The following GLP1R variants were observed in gnomAD, a reference collection of about 807,000 sequenced individuals.
The protein encoded by GLP1R is glucagon like peptide 1 receptor.
In GLP1R, 32 loss-of-function variants were observed where a neutral mutation model predicts 68.4. The observed-to-expected ratio is 0.47, with a 90% CI of 0.35 to 0.63. The LOEUF (loss-of-function observed/expected upper bound fraction) is 0.63, where lower values mean the gene tolerates loss of function less well. Among genes scored for constraint, GLP1R ranks in the 20% least tolerant of loss-of-function variants. GLP1R has a pLI of 0.00. For missense variants in GLP1R, 502 were observed against 594.9 expected, an observed-to-expected ratio of 0.84 and a Z score of 1.62; for synonymous variants, 263 against 244.4, an observed-to-expected ratio of 1.08 and a Z score of -0.71.
In GLP1R at chr6:39,079,105, C is replaced by A; in HGVS notation, c.955-7C>A. ...GCCCCCTGCCAATCCCCGGCCCCAC[C>A]CCGCAGGTGAACTTCCTCATCTTTG... On this transcript the variant is annotated splice_polypyrimidine_tract_variant and splice_region_variant and intron_variant, in intron 9 of 12. Coordinates refer to ENST00000373256, the MANE Select transcript of GLP1R (RefSeq NM_002062.5). This position sits in a 1 kb window ranked among gnomAD's most constrained non-coding sequence, Gnocchi z 4.5. The A allele has an allele frequency of 1.2e-6, 2 of 1,613,696 alleles. No individual in the cohort carries two copies.
Position 39,086,073 on chromosome 6 carries a change from AG to A in GLP1R, c.*1del, listed in dbSNP as rs776049586. On this transcript the variant is annotated 3_prime_UTR_variant, in exon 13 of 13. Coordinates refer to ENST00000373256, the MANE Select transcript of GLP1R (RefSeq NM_002062.5). The surrounding 1 kb of genome is among the most constrained non-coding windows in gnomAD (Gnocchi z 4.5). ...CCACTTGCCAGGCCTCCTGCAGCTGAGACTCCAGCGCCTGCCCTCCCTGGGG... is the reference window on the plus strand; with the variant it reads ...CCACTTGCCAGGCCTCCTGCAGCTGAACTCCAGCGCCTGCCCTCCCTGGGG... 2 of 1,613,338 alleles carry A rather than the reference AG, an allele frequency of 1.2e-6. No homozygotes were observed. The highest frequency in any genetic ancestry group is 2.2e-5 in the South Asian group (2 of 90,992).
intron 7 of GLP1R, 22 bp downstream of exon 7, chr6:39,073,791 C>T: frequency 6.2e-7 from 1 of 1,610,774 alleles, no homozygotes; most frequent in South Asian, 1.1e-5. Context: ...CATCACCCAC[C>T]CTGGACCTGT....
At position 39,089,460 on chromosome 6, in the gene GLP1R, G is replaced by C. The variant is rs1327911887; in HGVS notation, c.*3387G>C. 6.6e-6 allele frequency among the ~76,000 whole-genome samples: 1 copy of C among 151,986 alleles called. No individual in the cohort carries two copies. The highest frequency in any genetic ancestry group is 1.5e-5 in the Non-Finnish European group (1 of 68,036). The stretch of plus-strand genomic sequence containing the variant: ...AGCAAAGATGGCACAGCACCACAAA[G>C]GGCAAATGGAGTCAACTCCCTTCCA... On this transcript the variant is annotated 3_prime_UTR_variant, in exon 13 of 13. Coordinates refer to ENST00000373256, the MANE Select transcript of GLP1R (RefSeq NM_002062.5). The surrounding 1 kb of genome is among the most constrained non-coding windows in gnomAD (Gnocchi z 4.1).
intron 1 of GLP1R, among the ~76,000 whole-genome samples, chr6:39,053,580 G>A (rs1768138133): frequency 6.6e-6 from 1 of 152,188 alleles, no homozygotes; most frequent in African/African-American, 2.4e-5. Flanking sequence ...CATTGACTGA[G>A]CCTTCTCCAT....
intron 12 of GLP1R, among the ~76,000 whole-genome samples, chr6:39,082,181 G>C (rs996796045): frequency 6.6e-6 from 1 of 152,190 alleles, no homozygotes; most frequent in Non-Finnish European, 1.5e-5. Context: ...CTGGCTACCT[G>C]TGGGAAGTGT....
At chr6:39,081,774 A>C (rs1472558927) in intron 12 of GLP1R, among the ~76,000 whole-genome samples, 1 of 152,204 alleles carries the variant, frequency 6.6e-6, no homozygotes, top group East Asian at 1.9e-4. Flanking sequence ...ATTTGGTCTG[A>C]TCTGGGCCCC....
chr6:39,088,795 C>T lies in GLP1R; in HGVS notation c.*2722C>T, dbSNP rs1331490729. Reference sequence around the variant, plus strand: ...CATGCTGTAGACCACATCGTTGGAGCTCTGGGAGAGCTCTGAGCAGAGAAA... The same window carrying T: ...CATGCTGTAGACCACATCGTTGGAGTTCTGGGAGAGCTCTGAGCAGAGAAA... On this transcript the variant is annotated 3_prime_UTR_variant, in exon 13 of 13. Coordinates refer to ENST00000373256, the MANE Select transcript of GLP1R (RefSeq NM_002062.5). 6.6e-6 allele frequency among the ~76,000 whole-genome samples: 1 copy of T among 152,130 alleles called. No homozygotes were observed. The highest frequency in any genetic ancestry group is 1.5e-5 in the Non-Finnish European group (1 of 68,026).
chr6:39,071,171 C>A (rs1463899370), intron 5 of GLP1R, among the ~76,000 whole-genome samples: 1 of 151,642 alleles, frequency 6.6e-6, no homozygotes, highest in Non-Finnish European at 1.5e-5. Flanking sequence ...ACAGTGGAAC[C>A]CCATCTCTAC....
At position 39,086,843 on chromosome 6, in the gene GLP1R, G is replaced by C. The variant is rs201113027; in HGVS notation, c.*770G>C. 6.6e-6 allele frequency: 1 copy of C among 152,596 alleles called. No individual in the cohort carries two copies. The highest frequency in any genetic ancestry group is 1.5e-5 in the Non-Finnish European group (1 of 68,060). The allele number at this position is 152,596 out of a possible 1,614,324, so 9.5% of individuals were successfully genotyped here. A position where few individuals can be genotyped will look rare whatever the true frequency, so the allele number is the denominator to read the frequency against. ...TTGCCACCGGGGAACCCAGCCCTGG[G>C]GTATGAGCTGCCAAGTCTATTTTAA... On this transcript the variant is annotated 3_prime_UTR_variant, in exon 13 of 13. Coordinates refer to ENST00000373256, the MANE Select transcript of GLP1R (RefSeq NM_002062.5). The surrounding 1 kb of genome is among the most constrained non-coding windows in gnomAD (Gnocchi z 4.5).
intron 12 of GLP1R, among the ~76,000 whole-genome samples, chr6:39,083,699 G>A (rs2268636): frequency 0.079 from 11,967 of 152,174 alleles, 875 homozygotes; most frequent in East Asian, 0.38. Context: ...AATTCACCCC[G>A]AATCCTGAGG....
chr6:39,068,570 C>T (rs1011251111), intron 5 of GLP1R, among the ~76,000 whole-genome samples: 2 of 152,230 alleles, frequency 1.3e-5, no homozygotes, highest in Non-Finnish European at 2.9e-5. Flanking sequence ...AAAGAAGTAA[C>T]TATGTTCCCT....
intron 3 of GLP1R, among the ~76,000 whole-genome samples, chr6:39,063,942 CA>C (rs1217144909): frequency 5.1e-4 from 73 of 142,938 alleles, no homozygotes; most frequent in African/African-American, 1.9e-3. Flanking sequence ...CACACACACA[CA>C]CACACACACA....
At chr6:39,053,913 C>T (rs1768148625) in intron 1 of GLP1R, among the ~76,000 whole-genome samples, 1 of 152,140 alleles carries the variant, frequency 6.6e-6, no homozygotes, top group African/African-American at 2.4e-5. Flanking sequence ...AAAAAATCCT[C>T]CTGATAACAG....
intron 3 of GLP1R, among the ~76,000 whole-genome samples, chr6:39,064,508 C>A (rs1367234273): frequency 6.6e-6 from 1 of 152,040 alleles, no homozygotes. Flanking sequence ...CTCCTTGGTC[C>A]CCCTGTTCTT....
rs1253028224 is a variant in GLP1R at position 39,056,398 on chromosome 6, G to C, written c.80G>C (p.Gly27Ala). The change falls in exon 2 of 13, where the codon GGT becomes GCT. Residue 27 changes from glycine (G) to alanine (A), a missense_variant and splice_region_variant. Coordinates refer to ENST00000373256, the MANE Select transcript of GLP1R (RefSeq NM_002062.5). ...CTCCCATATATGCCCTCCCCCCAGG[G>C]TGCCACTGTGTCCCTCTGGGAGACG... ...MVGRAGPRPQ[G>A]ATVSLWETVQ... 3 of 1,572,982 alleles carry C rather than the reference G, an allele frequency of 1.9e-6. No individual in the cohort carries two copies. In the African/African-American group the frequency reaches 4.0e-5, roughly 21 times the overall value.
In GLP1R at chr6:39,086,147, A is replaced by ACCT; in HGVS notation, c.*74_*75insCCT. On this transcript the variant is annotated 3_prime_UTR_variant, in exon 13 of 13. Transcript: ENST00000373256. The surrounding 1 kb of genome is among the most constrained non-coding windows in gnomAD (Gnocchi z 4.5). ...CAATCCAGGTGGGAGAGACACTCCC[A>ACCT]GGGACAAGGGAAGGAAGGGACACAC... 8.1e-6 allele frequency: 9 copies of ACCT among 1,115,742 alleles called. No homozygotes were observed. Among genetic ancestry groups the ACCT allele is most frequent in the Admixed American group, 1.8e-5 (1 of 54,908 alleles). 69.1% of individuals were successfully genotyped at this position (1,115,742 alleles called of 1,614,324 possible).
chr6:39,055,273 G>A (rs184188551), intron 1 of GLP1R, among the ~76,000 whole-genome samples: 2 of 152,332 alleles, frequency 1.3e-5, no homozygotes, highest in Admixed American at 1.3e-4. Context: ...ACATTTTTGT[G>A]ATTTCAAAAA....
chr6:39,054,102 G>A (rs1360887541), intron 1 of GLP1R, among the ~76,000 whole-genome samples: 5 of 151,414 alleles, frequency 3.3e-5, no homozygotes, highest in African/African-American at 1.2e-4. Context: ...AGTCTGCACT[G>A]AACCCTGCCC....
intron 5 of GLP1R, among the ~76,000 whole-genome samples, chr6:39,067,667 GC>G (rs541648320): frequency 1.2e-4 from 19 of 152,118 alleles, no homozygotes; most frequent in Middle Eastern, 3.4e-3. Flanking sequence ...TCTGCCCCTG[GC>G]CCCCCCAAAT....
Sources: allele counts gnomAD v4.1 joint callset (sites outside exome capture counted in the v4.1 genomes callset), GRCh38; gene constraint gnomAD v4.1.1; non-coding constraint Gnocchi (gnomAD v3.1); transcripts MANE v1.5; gene names NCBI Gene and HGNC (gene_info 2026-07-23, HGNC 2026-07-21).